Variants in PAQR3 observed in about 807,000 individuals in gnomAD.
PAQR3 encodes progestin and adipoQ receptor family member 3.
A neutral mutation model predicts 41.7 loss-of-function variants in PAQR3; 39 were observed. The observed-to-expected ratio is 0.93, with a 90% confidence interval of 0.72 to 1.22. PAQR3 has a LOEUF of 1.22. PAQR3 is among the 50% of genes most tolerant of loss of function. The pLI is 0.00. For synonymous variants in PAQR3, 140 were observed against 140.6 expected, an observed-to-expected ratio of 1.00 and a Z score of 0.03; for missense variants, 366 against 385.6, an observed-to-expected ratio of 0.95 and a Z score of 0.42.
downstream of PAQR3, among the ~76,000 whole-genome samples, chr4:78,910,146 A>T (rs147986852): frequency 3.2e-4 from 49 of 152,362 alleles, no homozygotes; most frequent in African/African-American, 1.1e-3. Flanking sequence ...TTAAAAAAAT[A>T]GTGAAACAAA....
intron 11 of PAQR3, among the ~76,000 whole-genome samples, chr4:78,901,765 G>A (rs1283801951): frequency 1.3e-5 from 2 of 152,112 alleles, no homozygotes; most frequent in African/African-American, 2.4e-5. Flanking sequence ...CTTCTAAAAC[G>A]TAGTTTTCAT....
chr4:78,939,335 G>C lies in PAQR3; in HGVS notation c.-111C>G. 3 of 1,025,412 alleles carry C rather than the reference G, an allele frequency of 2.9e-6. 1 individual carries two copies. In the South Asian group the frequency reaches 6.2e-5, roughly 21 times the overall value. 63.5% of individuals were successfully genotyped at this position (1,025,412 alleles called of 1,614,324 possible). On this transcript the variant is annotated 5_prime_UTR_variant, in exon 1 of 6. Transcript: ENST00000512733. ...GCCCCGGAGCCCGCGGACGCTGCGC[G>C]AGGTCCTACCGCGCTGCCGCTGCTG...
chr4:78,907,607 G>A (rs1444324588), downstream of PAQR3, among the ~76,000 whole-genome samples: 2 of 152,202 alleles, frequency 1.3e-5, no homozygotes, highest in African/African-American at 4.8e-5. Context: ...AAAGGGTAGT[G>A]AAGACAATTT....
chr4:78,887,382 G>A, intron 12 of PAQR3: 1 of 815,236 alleles, frequency 1.2e-6, no homozygotes, highest in South Asian at 1.6e-5. Flanking sequence ...ATGTTAGTTA[G>A]CTACAGAAAG....
intron 11 of PAQR3, among the ~76,000 whole-genome samples, chr4:78,890,958 G>A (rs1733400980): frequency 6.6e-6 from 1 of 152,166 alleles, no homozygotes; most frequent in Non-Finnish European, 1.5e-5. Context: ...ATTTTGGGAG[G>A]CTGAGGTGGG....
chr4:78,922,897 G>A, intron 5 of PAQR3: 1 of 456,064 alleles, frequency 2.2e-6, no homozygotes, highest in South Asian at 1.6e-5. Context: ...CAGAGCTAAA[G>A]TTCTCAAACA....
Position 78,917,800 on chromosome 4 carries a change from C to A in PAQR3, c.*2739G>T. On this transcript the variant is annotated 3_prime_UTR_variant, in exon 6 of 6. Coordinates refer to ENST00000512733, the MANE Select transcript of PAQR3 (RefSeq NM_001040202.2). Reference sequence around the variant, plus strand: ...GTTGTACAGTTTTACGGAAGTCAATCACAATCTTCAAATCGGATATTCTGT... The same window carrying A: ...GTTGTACAGTTTTACGGAAGTCAATAACAATCTTCAAATCGGATATTCTGT... 2.0e-6 allele frequency: 2 copies of A among 984,802 alleles called. No homozygotes were observed. Among genetic ancestry groups the A allele is most frequent in the Non-Finnish European group, 2.4e-6 (2 of 829,170 alleles). 61.0% of individuals were successfully genotyped at this position (984,802 alleles called of 1,614,324 possible). A position where few individuals can be genotyped will look rare whatever the true frequency, so the allele number is the denominator to read the frequency against.
chr4:78,937,062 C>A (rs543548400), intron 1 of PAQR3, among the ~76,000 whole-genome samples: 1 of 152,276 alleles, frequency 6.6e-6, no homozygotes. Context: ...CTTAAGCATA[C>A]CCTGAGAATG....
chr4:78,935,141 T>G lies in PAQR3; in HGVS notation c.328A>C (p.Ile110Leu), dbSNP rs531911343. The change falls in exon 2 of 6, where the codon ATT (isoleucine) becomes CTT (leucine). Residue 110 changes from isoleucine to leucine, a missense_variant. Physicochemically the swap from Ile to Leu is conservative, Grantham distance 5. Transcript: ENST00000512733. ...ASREDFVICSICLFCFQVCML... is the reference protein window; with the variant it reads ...ASREDFVICSLCLFCFQVCML... ...CTTACCTGGAAGCAGAAAAGACAAA[T>G]AGAACAAATTACAAAATCTTCTCTG... is the stretch of plus-strand genomic sequence containing the variant. The G allele has an allele frequency of 1.9e-6, 3 of 1,613,030 alleles. No individual in the cohort carries two copies. In the African/African-American group the frequency reaches 4.0e-5, roughly 22 times the overall value.
intron 2 of PAQR3, among the ~76,000 whole-genome samples, chr4:78,933,489 T>G (rs904315580): frequency 6.6e-6 from 1 of 152,192 alleles, no homozygotes; most frequent in Non-Finnish European, 1.5e-5. Flanking sequence ...TATTAATAAA[T>G]ATATCTATGG....
chr4:78,887,299 T>G (rs1733149249), exon 13 of PAQR3: 2 of 1,536,704 alleles, frequency 1.3e-6, no homozygotes, highest in Non-Finnish European at 1.8e-6. Flanking sequence ...GTTACACATG[T>G]AACATCATCA....
chr4:78,909,454 T>C (rs1734466431), downstream of PAQR3, among the ~76,000 whole-genome samples: 1 of 152,168 alleles, frequency 6.6e-6, no homozygotes, highest in Non-Finnish European at 1.5e-5. Context: ...TAATGAAATA[T>C]ACGCTGCTTA....
At position 78,916,235 on chromosome 4, in the gene PAQR3, A is replaced by G. The variant is rs1457892502; in HGVS notation, c.*4304T>C. 1 of 151,700 alleles carries G rather than the reference A, an allele frequency of 6.6e-6. No homozygotes were observed. The highest frequency in any genetic ancestry group is 1.5e-5 in the Non-Finnish European group (1 of 67,834). The allele number at this position is 151,700 out of a possible 1,614,324, so 9.4% of individuals were successfully genotyped here. On this transcript the variant is annotated 3_prime_UTR_variant, in exon 6 of 6. Transcript: ENST00000512733. ...GCCTTTACACTGCTTATTCTTTTTG[A>G]CTGAATTCTGTCCCTGATTCACTGT...
intron 1 of PAQR3, 142 bp downstream of exon 1, chr4:78,938,898 A>T: frequency 2.9e-6 from 2 of 697,632 alleles, no homozygotes; most frequent in South Asian, 4.1e-5. Flanking sequence ...GGGGGAGGAG[A>T]GGCGGCAAAA....
chr4:78,888,257 A>G (rs1733210342), intron 11 of PAQR3: 2 of 152,142 alleles, frequency 1.3e-5, no homozygotes, highest in African/African-American at 4.8e-5. Context: ...GCTGCTTTCA[A>G]GTTTTCTTTT....
intron 11 of PAQR3, among the ~76,000 whole-genome samples, chr4:78,891,119 A>G (rs967539351): frequency 6.6e-6 from 1 of 152,200 alleles, no homozygotes; most frequent in African/African-American, 2.4e-5. Context: ...TGGCAGGGCA[A>G]ATAATTTTAG....
chr4:78,903,911 A>G (rs889565342), intron 11 of PAQR3, among the ~76,000 whole-genome samples: 1 of 151,976 alleles, frequency 6.6e-6, no homozygotes, highest in African/African-American at 2.4e-5. Flanking sequence ...GAATTTACAG[A>G]TGAGAGTTTT....
At chr4:78,901,343 G>T (rs762165285) in intron 11 of PAQR3, among the ~76,000 whole-genome samples, 30 of 152,144 alleles carry the variant, frequency 2.0e-4, no homozygotes, top group South Asian at 1.2e-3. Flanking sequence ...TTACAGGCAA[G>T]AGCCATTGTG....
chr4:78,932,859 G>T (rs1578035117), intron 2 of PAQR3, among the ~76,000 whole-genome samples: 1 of 152,246 alleles, frequency 6.6e-6, no homozygotes, highest in East Asian at 1.9e-4. Flanking sequence ...AAAATGGACT[G>T]AAAGATAATC....
Sources: gnomAD v4.1 joint callset for allele counts (sites outside exome capture counted in the v4.1 genomes callset) on GRCh38, gnomAD v4.1.1 for gene constraint, MANE v1.5 for transcripts, NCBI Gene and HGNC (gene_info 2026-07-23, HGNC 2026-07-21) for gene names.